LRRTM4: variants seen among roughly 807,000 people sequenced by gnomAD.
The protein encoded by LRRTM4 is leucine rich repeat transmembrane neuronal 4.
Under a neutral mutation model 47.6 loss-of-function variants are expected in LRRTM4, and 25 were observed. That is an observed-to-expected ratio of 0.53 (90% CI 0.38 to 0.73). LRRTM4 has a LOEUF of 0.73. Among genes scored for constraint, LRRTM4 ranks in the 30% least tolerant of loss-of-function variants. LRRTM4 has a pLI of 0.00. For synonymous variants in LRRTM4, 311 were observed against 269.5 expected, an observed-to-expected ratio of 1.15 and a Z score of -1.51; for missense variants, 638 against 713.4, an observed-to-expected ratio of 0.89 and a Z score of 1.20.
At chr2:77,199,562 T>G (rs1418324226) in intron 3 of LRRTM4, among the ~76,000 whole-genome samples, 2 of 152,110 alleles carry the variant, frequency 1.3e-5, no homozygotes, top group Non-Finnish European at 2.9e-5. Flanking sequence ...GACCAGATGA[T>G]CTCTAGATCT....
intron 3 of LRRTM4, among the ~76,000 whole-genome samples, chr2:77,457,004 G>GTATATATATATATATA (rs1171771344): frequency 1.7e-4 from 4 of 23,182 alleles, no homozygotes; most frequent in South Asian, 1.0e-3. Flanking sequence ...GTGTGTGTGT[G>GTATATATATATATATA]TATATATATA....
intron 3 of LRRTM4, among the ~76,000 whole-genome samples, chr2:77,014,165 G>C (rs1449640584): frequency 2.6e-5 from 4 of 152,036 alleles, no homozygotes. Flanking sequence ...TGAGTAGAGA[G>C]GGCGGATCAA....
intron 3 of LRRTM4, among the ~76,000 whole-genome samples, chr2:77,269,195 G>T (rs901057613): frequency 1.3e-5 from 2 of 151,390 alleles, no homozygotes; most frequent in Admixed American, 1.3e-4. Context: ...GTATTTATTT[G>T]TGCATTTTCT....
chr2:76,854,432 T>C (rs140413090), intron 3 of LRRTM4, among the ~76,000 whole-genome samples: 3 of 152,156 alleles, frequency 2.0e-5, no homozygotes, highest in Admixed American at 2.0e-4. Flanking sequence ...AGAAGTAACA[T>C]GCACAATGAC....
intron 3 of LRRTM4, among the ~76,000 whole-genome samples, chr2:76,801,277 A>G (rs1235990707): frequency 2.6e-5 from 4 of 152,112 alleles, no homozygotes; most frequent in African/African-American, 9.7e-5. Context: ...ATGTCCAACA[A>G]TGATAGACTG....
intron 3 of LRRTM4, among the ~76,000 whole-genome samples, chr2:77,312,739 C>A (rs7599090): frequency 0.14 from 21,873 of 152,016 alleles, 2,059 homozygotes; most frequent in East Asian, 0.45. Flanking sequence ...ATTCAATAAG[C>A]CTGACCTACA....
At chr2:76,811,323 A>G (rs1206466343) in intron 3 of LRRTM4, among the ~76,000 whole-genome samples, 1 of 152,200 alleles carries the variant, frequency 6.6e-6, no homozygotes, top group Non-Finnish European at 1.5e-5. Context: ...TTTGTATTTT[A>G]TCCAATTATG....
intron 3 of LRRTM4, among the ~76,000 whole-genome samples, chr2:76,913,465 T>G (rs1674140418): frequency 6.6e-6 from 1 of 152,102 alleles, no homozygotes; most frequent in Non-Finnish European, 1.5e-5. Context: ...ATGTTTTCCT[T>G]CACATGGATA....
intron 3 of LRRTM4, among the ~76,000 whole-genome samples, chr2:77,076,582 C>CG (rs1680344579): frequency 6.6e-6 from 1 of 151,970 alleles, no homozygotes; most frequent in Non-Finnish European, 1.5e-5. Flanking sequence ...TATGTTTCTT[C>CG]GGGGAATAGT....
At chr2:77,373,366 GA>G (rs1013901842) in intron 3 of LRRTM4, among the ~76,000 whole-genome samples, 2 of 151,228 alleles carry the variant, frequency 1.3e-5, no homozygotes, top group African/African-American at 4.8e-5. Context: ...AAACAATACT[GA>G]AAAAAACCAT....
intron 3 of LRRTM4, among the ~76,000 whole-genome samples, chr2:76,781,638 A>T (rs192118160): frequency 3.3e-5 from 5 of 152,184 alleles, no homozygotes; most frequent in Non-Finnish European, 5.9e-5. Context: ...GCACCCACTG[A>T]CCTGCGCCCA....
chr2:77,159,141 A>C (rs1202560983), intron 3 of LRRTM4, among the ~76,000 whole-genome samples: 1 of 152,166 alleles, frequency 6.6e-6, no homozygotes, highest in Non-Finnish European at 1.5e-5. Flanking sequence ...TCTTATTTGG[A>C]AGAACAGCTG....
intron 3 of LRRTM4, among the ~76,000 whole-genome samples, chr2:76,796,128 C>G (rs941407529): frequency 7.0e-6 from 1 of 142,186 alleles, no homozygotes; most frequent in Admixed American, 7.0e-5. Context: ...AAACGGCACA[C>G]CACAAGATTA....
intron 3 of LRRTM4, among the ~76,000 whole-genome samples, chr2:77,095,894 G>A (rs1198006300): frequency 6.6e-6 from 1 of 152,146 alleles, no homozygotes; most frequent in Non-Finnish European, 1.5e-5. Flanking sequence ...TGGAGAAAGA[G>A]ATGTTTATCG....
chr2:77,457,004 GTATA>G (rs1171771344), intron 3 of LRRTM4, among the ~76,000 whole-genome samples: 832 of 22,572 alleles, frequency 0.037, 4 homozygotes, highest in Middle Eastern at 0.15. Flanking sequence ...GTGTGTGTGT[GTATA>G]TATATATATA....
chr2:76,979,442 T>C (rs1676522445), intron 3 of LRRTM4, among the ~76,000 whole-genome samples: 2 of 149,402 alleles, frequency 1.3e-5, no homozygotes, highest in South Asian at 2.1e-4. Flanking sequence ...GAAAAGTGAG[T>C]ACAATGTACT....
intron 3 of LRRTM4, among the ~76,000 whole-genome samples, chr2:77,010,502 A>C (rs1677830109): frequency 2.8e-4 from 1 of 3,528 alleles, no homozygotes; most frequent in Non-Finnish European, 5.7e-4. Flanking sequence ...TGTATTGTTT[A>C]CACACACACA....
intron 3 of LRRTM4, among the ~76,000 whole-genome samples, chr2:76,927,819 G>C (rs903534792): frequency 1.1e-4 from 16 of 152,094 alleles, no homozygotes; most frequent in Admixed American, 3.3e-4. Context: ...TCTCAACATT[G>C]AGACAGGAGA....
chr2:76,914,050 T>C lies in LRRTM4; in HGVS notation c.1552-165134A>G, dbSNP rs577253857. Among the ~76,000 whole-genome samples, 11 of 151,826 alleles carry C rather than the reference T, an allele frequency of 7.2e-5. No individual in the cohort carries two copies. In the South Asian group the frequency reaches 2.3e-3, roughly 31 times the overall value. ...AGTATAATTATATAAAATAATATTTTATACAGCAAAGTTTGAAAGTATTAT... is the reference window on the plus strand; with the variant it reads ...AGTATAATTATATAAAATAATATTTCATACAGCAAAGTTTGAAAGTATTAT... On this transcript the variant is annotated intron_variant, in intron 3 of 3. Coordinates refer to ENST00000409884, the MANE Select transcript of LRRTM4 (RefSeq NM_001134745.3).
Sources: allele counts gnomAD v4.1 joint callset (sites outside exome capture counted in the v4.1 genomes callset), GRCh38; gene constraint gnomAD v4.1.1; transcripts MANE v1.5; gene names NCBI Gene and HGNC (gene_info 2026-07-23, HGNC 2026-07-21).